GLIS1: variants seen among roughly 807,000 people sequenced by gnomAD.
GLIS1 encodes GLIS family zinc finger 1, also known as zinc finger protein GLIS1.
Under a neutral mutation model 63.8 loss-of-function variants are expected in GLIS1, and 24 were observed. The ratio of observed to expected loss-of-function variants is 0.38; its 90% CI spans 0.27 to 0.53. The LOEUF (loss-of-function observed/expected upper bound fraction) is 0.53, where lower values mean the gene tolerates loss of function less well. Ranked by LOEUF, GLIS1 falls within the 20% of genes least tolerant of loss-of-function variation. The pLI is 0.85. For missense variants in GLIS1, 1,036 were observed against 1,074.1 expected (o/e 0.96, Z 0.50); for synonymous variants, 450 against 482.5 (o/e 0.93, Z 0.88).
chr1:53,710,224 A>C (rs1358043476), intron 2 of GLIS1, among the ~76,000 whole-genome samples: 5 of 152,108 alleles, frequency 3.3e-5, no homozygotes, highest in Non-Finnish European at 7.4e-5. Context: ...ATCATTCCCC[A>C]CCTGGAGGCA....
chr1:53,508,008 G>A (rs966034284), intron 10 of GLIS1, among the ~76,000 whole-genome samples: 6 of 152,196 alleles, frequency 3.9e-5, no homozygotes, highest in Non-Finnish European at 7.4e-5. Flanking sequence ...CACGGCACAC[G>A]TTTACCCACG....
At chr1:53,689,227 C>T (rs543978742) in intron 2 of GLIS1, among the ~76,000 whole-genome samples, 14 of 152,304 alleles carry the variant, frequency 9.2e-5, no homozygotes, top group African/African-American at 3.1e-4. Flanking sequence ...GCAGTAAGTG[C>T]TGTGATGGAG....
intron 4 of GLIS1, among the ~76,000 whole-genome samples, chr1:53,576,970 C>G (rs1351240407): frequency 6.6e-6 from 1 of 152,122 alleles, no homozygotes; most frequent in Admixed American, 6.5e-5. Flanking sequence ...GACCCCAGGG[C>G]TTTTCCTGAT....
intron 2 of GLIS1, among the ~76,000 whole-genome samples, chr1:53,602,073 C>T (rs1208555255): frequency 6.6e-6 from 1 of 152,224 alleles, no homozygotes; most frequent in Non-Finnish European, 1.5e-5. Context: ...TCCCACGCTA[C>T]CTTCCCAGCC....
chr1:53,620,088 C>T (rs1645526906), intron 2 of GLIS1, among the ~76,000 whole-genome samples: 1 of 152,214 alleles, frequency 6.6e-6, no homozygotes, highest in Admixed American at 6.5e-5. Context: ...AGGCTGAGAT[C>T]AGCATTAATC....
chr1:53,693,988 G>T (rs76945924), intron 2 of GLIS1, among the ~76,000 whole-genome samples: 1 of 152,180 alleles, frequency 6.6e-6, no homozygotes, highest in Non-Finnish European at 1.5e-5. Context: ...CAGGCCTGAC[G>T]GTGGGCACTG....
At chr1:53,645,750 G>A (rs1302000543) in intron 2 of GLIS1, among the ~76,000 whole-genome samples, 1 of 152,230 alleles carries the variant, frequency 6.6e-6, no homozygotes, top group Non-Finnish European at 1.5e-5. Flanking sequence ...GGAAACACTG[G>A]TGCTCAGAGA....
chr1:53,516,673 C>T (rs1264353783), intron 7 of GLIS1, among the ~76,000 whole-genome samples: 8 of 151,920 alleles, frequency 5.3e-5, no homozygotes, highest in Non-Finnish European at 8.8e-5. Flanking sequence ...ATTAGTCGGG[C>T]GTGGTGGCAT....
intron 2 of GLIS1, among the ~76,000 whole-genome samples, chr1:53,705,549 A>C (rs1237052264): frequency 6.6e-6 from 1 of 152,116 alleles, no homozygotes; most frequent in Non-Finnish European, 1.5e-5. Context: ...CGTCCTACTG[A>C]GACATTTTAA....
At chr1:53,709,369 T>TATATAC (rs1557534282) in intron 2 of GLIS1, among the ~76,000 whole-genome samples, 12 of 73,172 alleles carry the variant, frequency 1.6e-4, no homozygotes, top group African/African-American at 7.5e-4. Flanking sequence ...CATATACATA[T>TATATAC]ATATATACAT....
intron 2 of GLIS1, among the ~76,000 whole-genome samples, chr1:53,735,126 G>T (rs1646900835): frequency 6.6e-6 from 1 of 152,182 alleles, no homozygotes. Flanking sequence ...CTGACCCCAG[G>T]CTGAGCCATA....
rs1645238473 is a variant in GLIS1, at chr1:53,594,871, T to C, written c.557A>G (p.His186Arg). Residue 186 changes from histidine (H) to arginine (R), a missense_variant, in exon 4 of 11, where the codon CAC becomes CGC. Transcript: ENST00000628545. ...MAEARTSLSA[H>R]CRGPLATGLH... is the part of the protein sequence containing the mutation. ...GCCAGTGGCCAGCGGGCCCCGACAG[T>C]GGGCAGACAGGGATGTGCGGGCCTC... 2 of 1,575,976 alleles carry C rather than the reference T, an allele frequency of 1.3e-6. No individual in the cohort carries two copies. The highest frequency in any genetic ancestry group is 1.7e-6 in the Non-Finnish European group (2 of 1,166,752).
intron 10 of GLIS1, among the ~76,000 whole-genome samples, chr1:53,507,292 T>A (rs1301863136): frequency 6.6e-6 from 1 of 152,210 alleles, no homozygotes; most frequent in Non-Finnish European, 1.5e-5. Flanking sequence ...TGCGGTGGGA[T>A]TCACTATCCT....
chr1:53,626,409 A>G (rs1463891009), intron 2 of GLIS1, among the ~76,000 whole-genome samples: 2 of 151,506 alleles, frequency 1.3e-5, no homozygotes, highest in Non-Finnish European at 2.9e-5. Context: ...TCTGCTCCAA[A>G]CCCTCTTCTG....
chr1:53,634,656 G>C (rs1645704048), intron 2 of GLIS1, among the ~76,000 whole-genome samples: 1 of 152,144 alleles, frequency 6.6e-6, no homozygotes, highest in Middle Eastern at 3.2e-3. Context: ...GACTCTTCTA[G>C]CACCTGTGAC....
At chr1:53,664,434 T>C (rs1334109379) in intron 2 of GLIS1, among the ~76,000 whole-genome samples, 1 of 152,270 alleles carries the variant, frequency 6.6e-6, no homozygotes, top group African/African-American at 2.4e-5. Flanking sequence ...GAATTTGTAT[T>C]GTTTGCAAAG....
intron 6 of GLIS1, among the ~76,000 whole-genome samples, chr1:53,524,094 AACCGTCATTT>A (rs1418777624): frequency 6.6e-6 from 1 of 152,226 alleles, no homozygotes; most frequent in African/African-American, 2.4e-5. Context: ...CCTCAGCATA[AACCGTCATTT>A]ACTCCTGACC....
intron 4 of GLIS1, among the ~76,000 whole-genome samples, chr1:53,543,667 C>T (rs1327212023): frequency 1.3e-5 from 2 of 152,124 alleles, no homozygotes; most frequent in African/African-American, 2.4e-5. Context: ...ACAGCCACTG[C>T]AGTAAGCGCA....
chr1:53,578,525 G>A (rs867887771), intron 4 of GLIS1, among the ~76,000 whole-genome samples: 2 of 152,106 alleles, frequency 1.3e-5, no homozygotes, highest in Non-Finnish European at 2.9e-5. Context: ...ATAAGACCTC[G>A]TAGGGATTAA....
Sources: allele counts gnomAD v4.1 joint callset (sites outside exome capture counted in the v4.1 genomes callset), GRCh38; gene constraint gnomAD v4.1.1; transcripts MANE v1.5; gene names NCBI Gene and HGNC (gene_info 2026-07-23, HGNC 2026-07-21).